Variants in PADI4 observed in about 807,000 individuals in gnomAD.
PADI4 encodes the protein protein-arginine deiminase type-4.
In PADI4, 62 loss-of-function variants were observed where a neutral mutation model predicts 75.0. That is an observed-to-expected ratio of 0.83 (90% confidence interval 0.67 to 1.02). The LOEUF (loss-of-function observed/expected upper bound fraction) is 1.02. Among genes scored for constraint, PADI4 ranks in the 50% least tolerant of loss-of-function variants. The pLI is 0.00. For synonymous variants in PADI4, 361 were observed against 348.1 expected, an observed-to-expected ratio of 1.04 and a Z score of -0.41; for missense variants, 845 against 850.5, an observed-to-expected ratio of 0.99 and a Z score of 0.08.
In PADI4 at chr1:17,336,078, C is replaced by G. The variant is rs1015089148; in HGVS notation, c.341-81C>G. 4.4e-6 allele frequency: 4 copies of G among 915,412 alleles called. No homozygotes were observed. The African/African-American group carries it at 6.4e-5, about 15-fold the overall frequency. The allele number at this position is 915,412 out of a possible 1,614,324, so 56.7% of individuals were successfully genotyped here. A position where few individuals can be genotyped will look rare whatever the true frequency, so the allele number is the denominator to read the frequency against. ...GGGTGCACACAGTCCCCTGGGGAAA[C>G]GACCTGCCCATTCAGGGCCAGGCTG... is the stretch of plus-strand genomic sequence containing the variant. On this transcript the variant is annotated intron_variant, in intron 3 of 15. Coordinates refer to ENST00000375448, the MANE Select transcript of PADI4 (RefSeq NM_012387.3).
chr1:17,329,070 T>C (rs1270822845), intron 1 of PADI4, among the ~76,000 whole-genome samples: 2 of 148,738 alleles, frequency 1.3e-5, no homozygotes, highest in Non-Finnish European at 3.0e-5. Flanking sequence ...AATATTAATA[T>C]TAATATTTTA....
chr1:17,356,182 C>G lies in PADI4; in HGVS notation c.1455+55C>G. 6.3e-7 allele frequency: 1 copy of G among 1,578,218 alleles called. No individual in the cohort carries two copies. The highest frequency in any genetic ancestry group is 8.7e-7 in the Non-Finnish European group (1 of 1,153,762). ...CATGCCTCCTTCCTGGGTAGACCCT[C>G]TGCCTGGGGTGGGAGCAACTTTACT... On this transcript the variant is annotated intron_variant, in intron 12 of 15. Transcript: ENST00000375448. This position sits in a 1 kb window ranked among gnomAD's most constrained non-coding sequence, Gnocchi z 4.1.
rs2074526968 is a variant in PADI4, at chr1:17,346,936, G to A, written c.1047+797G>A. 6.6e-6 allele frequency among the ~76,000 whole-genome samples: 1 copy of A among 150,520 alleles called. No individual in the cohort carries two copies. Among genetic ancestry groups the A allele is most frequent in the African/African-American group, 2.4e-5 (1 of 40,856 alleles). On this transcript the variant is annotated intron_variant, in intron 9 of 15. Coordinates refer to ENST00000375448, the MANE Select transcript of PADI4 (RefSeq NM_012387.3). This position sits in a 1 kb window ranked among gnomAD's most constrained non-coding sequence, Gnocchi z 4.3. ...ACACAACATCCTTTCTTCCTTTCTT[G>A]CCATTCCATCTTTTCTTTTCTTTTT...
intron 1 of PADI4, among the ~76,000 whole-genome samples, chr1:17,316,465 A>T (rs544086220): frequency 6.6e-6 from 1 of 151,792 alleles, no homozygotes; most frequent in South Asian, 2.1e-4. Flanking sequence ...TGAGGTGGGC[A>T]GATCACGAGG....
At chr1:17,337,927 A>G (rs1360711105) in intron 4 of PADI4, 111 bp from the exon 5 acceptor site, 1 of 459,718 alleles carries the variant, frequency 2.2e-6, no homozygotes, top group Non-Finnish European at 3.9e-6. Context: ...AAAATAATAA[A>G]TAAATAAATA....
rs557607835 is a variant in PADI4, at chr1:17,311,029, G to A, written c.92+2715G>A. Among the ~76,000 whole-genome samples the A allele has an allele frequency of 8.4e-4, 127 of 151,640 alleles. 1 individual carries two copies. Among genetic ancestry groups the A allele is most frequent in the African/African-American group, 2.8e-3 (116 of 41,322 alleles). ...GGAGAATCGCTTGAACCCAGGAGGC[G>A]GACGCTGCAGTGAACCGAGATTGTG... On this transcript the variant is annotated intron_variant, in intron 1 of 15. Transcript: ENST00000375448.
chr1:17,310,221 A>G (rs753037134), intron 1 of PADI4, among the ~76,000 whole-genome samples: 7 of 152,190 alleles, frequency 4.6e-5, no homozygotes, highest in Middle Eastern at 6.8e-3. Flanking sequence ...TTCCCATTTT[A>G]CAAAAGAGGA....
chr1:17,352,457 G>T (rs1373204428), intron 10 of PADI4, among the ~76,000 whole-genome samples: 1 of 152,150 alleles, frequency 6.6e-6, no homozygotes, highest in African/African-American at 2.4e-5. Flanking sequence ...GCCCTGCTAT[G>T]TGTTGTTGAG....
At position 17,348,048 on chromosome 1, in the gene PADI4, G is replaced by A; in HGVS notation, c.1155G>A (p.Met385Ile). The A allele has an allele frequency of 6.3e-7, 1 of 1,580,584 alleles. No homozygotes were observed. The highest frequency in any genetic ancestry group is 8.7e-7 in the Non-Finnish European group (1 of 1,149,852). ...GLKEFPIKRVMGPDFGYVTRG... is the reference protein window; with the variant it reads ...GLKEFPIKRVIGPDFGYVTRG... ...AGGAGTTTCCCATCAAACGCGTGAT[G>A]GTACCTGCATGGGGTGGGGAGGGGG... The change falls in exon 10 of 16, where the codon ATG (methionine) becomes ATA (isoleucine). Residue 385 changes from methionine (M) to isoleucine (I), a missense_variant and splice_region_variant. Coordinates refer to ENST00000375448, the MANE Select transcript of PADI4 (RefSeq NM_012387.3).
chr1:17,330,967 A>C lies in PADI4; in HGVS notation c.93-2A>C. On this transcript the variant is annotated splice_acceptor_variant, in intron 1 of 15. Transcript: ENST00000375448. LOFTEE classifies it high-confidence loss of function. ...CTGCTTTCCCATGTGTCTTGTCCAC[A>C]GCTCTGCCCCTGAGGACTGCACGTC... 1 of 1,548,462 alleles carries C rather than the reference A, an allele frequency of 6.5e-7. No individual in the cohort carries two copies. The highest frequency in any genetic ancestry group is 8.7e-7 in the Non-Finnish European group (1 of 1,152,758).
At chr1:17,343,917 G>C (rs1246719249) in intron 8 of PADI4, among the ~76,000 whole-genome samples, 1 of 152,182 alleles carries the variant, frequency 6.6e-6, no homozygotes, top group South Asian at 2.1e-4. Context: ...GTAGAGGGGG[G>C]CGTTGCTGAA....
intron 4 of PADI4, among the ~76,000 whole-genome samples, chr1:17,336,953 C>T (rs902937519): frequency 1.3e-5 from 2 of 152,214 alleles, no homozygotes; most frequent in Non-Finnish European, 2.9e-5. Flanking sequence ...TATTAGATCC[C>T]TACAGGGTGG....
chr1:17,335,276 G>T (rs1189518662), intron 3 of PADI4, among the ~76,000 whole-genome samples: 2 of 152,030 alleles, frequency 1.3e-5, no homozygotes, highest in East Asian at 1.9e-4. Context: ...CAATTGCCAG[G>T]CACTGTGCTA....
At chr1:17,334,423 G>C (rs747914925) in intron 3 of PADI4, 11 of 459,560 alleles carry the variant, frequency 2.4e-5, no homozygotes, top group Non-Finnish European at 4.9e-5. Flanking sequence ...CTGCTTCAGC[G>C]TCCCTAGTAG....
intron 8 of PADI4, among the ~76,000 whole-genome samples, chr1:17,344,785 C>T (rs146545827): frequency 1.1e-3 from 171 of 152,334 alleles, no homozygotes; most frequent in African/African-American, 3.7e-3. Flanking sequence ...TGTGTGGAAA[C>T]GCCTAGATGC....
At chr1:17,318,702 T>C (rs2073982260) in intron 1 of PADI4, among the ~76,000 whole-genome samples, 1 of 151,650 alleles carries the variant, frequency 6.6e-6, no homozygotes, top group African/African-American at 2.4e-5. Context: ...TTTTTTTTTT[T>C]TGAGATGGAG....
rs567603356 is a variant in PADI4, at chr1:17,346,249, A to G, written c.1047+110A>G. The G allele has an allele frequency of 5.5e-5, 36 of 660,406 alleles. No individual in the cohort carries two copies. In the African/African-American group the frequency reaches 6.0e-4, roughly 11 times the overall value. The allele number at this position is 660,406 out of a possible 1,614,324, so 40.9% of individuals were successfully genotyped here. A position where few individuals can be genotyped will look rare whatever the true frequency, so the allele number is the denominator to read the frequency against. On this transcript the variant is annotated intron_variant, in intron 9 of 15. Coordinates refer to ENST00000375448, the MANE Select transcript of PADI4 (RefSeq NM_012387.3). The surrounding 1 kb of genome is among the most constrained non-coding windows in gnomAD (Gnocchi z 4.3). ...GGTGCCTCACCGGCCACTCTTCCTT[A>G]GATGGACAGGGAGATAGGAACCTGA... is the stretch of plus-strand genomic sequence containing the variant.
chr1:17,360,227 G>A (rs1235731097), intron 15 of PADI4, among the ~76,000 whole-genome samples: 4 of 151,848 alleles, frequency 2.6e-5, no homozygotes, highest in South Asian at 4.2e-4. Flanking sequence ...GGAGACGGAG[G>A]TTGCAGTGAG....
In PADI4 at chr1:17,356,302, C is replaced by T. The variant is rs769087340; in HGVS notation, c.1456-55C>T. ...CTCCCACCCTCAGCAGATCCACCCT[C>T]GTTGGGAGCTCCAGGGGCAAAGCTG... On this transcript the variant is annotated intron_variant, in intron 12 of 15. Coordinates refer to ENST00000375448, the MANE Select transcript of PADI4 (RefSeq NM_012387.3). The surrounding 1 kb of genome is among the most constrained non-coding windows in gnomAD (Gnocchi z 4.1). 45 of 1,368,572 alleles carry T rather than the reference C, an allele frequency of 3.3e-5. No homozygotes were observed. The highest frequency in any genetic ancestry group is 4.3e-5 in the African/African-American group (3 of 69,402). 84.8% of individuals were successfully genotyped at this position (1,368,572 alleles called of 1,614,324 possible). A position where few individuals can be genotyped will look rare whatever the true frequency, so the allele number is the denominator to read the frequency against.
Sources: gnomAD v4.1 joint callset for allele counts (sites outside exome capture counted in the v4.1 genomes callset) on GRCh38, gnomAD v4.1.1 for gene constraint, Gnocchi (gnomAD v3.1) non-coding constraint, MANE v1.5 for transcripts, NCBI Gene and HGNC (gene_info 2026-07-23, HGNC 2026-07-21) for gene names.